BACH2: variants seen among roughly 807,000 people sequenced by gnomAD.
BACH2 encodes BACH transcriptional regulator 2.
BACH2 carries 5 observed loss-of-function variants against 61.8 expected under a neutral mutation model. That is an observed-to-expected ratio of 0.08 (90% confidence interval 0.04 to 0.17). BACH2 has a LOEUF of 0.17. Among genes scored for constraint, BACH2 ranks in the 10% least tolerant of loss-of-function variants. The pLI is 1.00. For missense variants in BACH2, 824 were observed against 1,091.1 expected (o/e 0.76, Z 3.45); for synonymous variants, 446 against 440.1 (o/e 1.01, Z -0.17).
chr6:90,142,488 C>G (rs957368118), intron 4 of BACH2, among the ~76,000 whole-genome samples: 6 of 152,098 alleles, frequency 3.9e-5, no homozygotes, highest in African/African-American at 7.2e-5. Context: ...AAAACTCAAG[C>G]TGATTGAGGT....
intron 5 of BACH2, among the ~76,000 whole-genome samples, chr6:90,073,983 G>A (rs2127802391): frequency 6.6e-6 from 1 of 152,320 alleles, no homozygotes; most frequent in African/African-American, 2.4e-5. Context: ...TTCAGGTGAA[G>A]GAGGGAAGAG....
At chr6:90,026,959 A>T (rs562552989) in intron 5 of BACH2, among the ~76,000 whole-genome samples, 2 of 152,316 alleles carry the variant, frequency 1.3e-5, no homozygotes, top group East Asian at 3.9e-4. Flanking sequence ...GGCAGGCAGC[A>T]TCTAATGGGG....
intron 5 of BACH2, among the ~76,000 whole-genome samples, chr6:90,049,088 T>C (rs1779919178): frequency 6.6e-6 from 1 of 152,116 alleles, no homozygotes; most frequent in Admixed American, 6.6e-5. Flanking sequence ...TGATGAGAAA[T>C]GATGAAAAAC....
intron 3 of BACH2, among the ~76,000 whole-genome samples, chr6:90,213,525 A>T (rs535960622): frequency 2.6e-5 from 4 of 152,308 alleles, no homozygotes; most frequent in Admixed American, 2.6e-4. Context: ...CAGGGAGAAG[A>T]GTAGGCAAAG....
chr6:90,177,730 C>A (rs1422961213), intron 4 of BACH2, among the ~76,000 whole-genome samples: 1 of 152,164 alleles, frequency 6.6e-6, no homozygotes, highest in Admixed American at 6.6e-5. Context: ...TTAACCTCAA[C>A]TCTGGGCTGT....
Position 90,050,754 on chromosome 6 carries a change from G to A in BACH2, c.-13+38207C>T, listed in dbSNP as rs190116725. Among the ~76,000 whole-genome samples the A allele has an allele frequency of 1.7e-3, 256 of 149,616 alleles. 2 individuals are homozygous for A. Among genetic ancestry groups the A allele is most frequent in the African/African-American group, 6.1e-3 (250 of 40,978 alleles). ...ATAGATAAAACCCAAATAAACGAAAGCTCTTTGGGGTTCTCGGTAATTTTT... is the reference window on the plus strand; with the variant it reads ...ATAGATAAAACCCAAATAAACGAAAACTCTTTGGGGTTCTCGGTAATTTTT... On this transcript the variant is annotated intron_variant, in intron 5 of 8. Coordinates refer to ENST00000257749, the MANE Select transcript of BACH2 (RefSeq NM_021813.4).
chr6:90,231,513 G>A (rs756756188), intron 3 of BACH2, among the ~76,000 whole-genome samples: 5 of 152,048 alleles, frequency 3.3e-5, no homozygotes, highest in African/African-American at 4.8e-5. Flanking sequence ...AGTGACCCTG[G>A]GCCAGAGCCT....
chr6:90,107,174 C>T (rs1175442837), intron 4 of BACH2, among the ~76,000 whole-genome samples: 2 of 152,094 alleles, frequency 1.3e-5, no homozygotes, highest in African/African-American at 4.8e-5. Context: ...GAGATCAAGA[C>T]CATCCTGGCC....
intron 4 of BACH2, among the ~76,000 whole-genome samples, chr6:90,095,397 G>A (rs953522891): frequency 3.3e-5 from 5 of 152,126 alleles, no homozygotes; most frequent in Non-Finnish European, 5.9e-5. Context: ...AAAGAAGTGG[G>A]GAGGGAGATG....
chr6:90,014,944 ATTT>A (rs386407909), intron 5 of BACH2, among the ~76,000 whole-genome samples: 3 of 133,648 alleles, frequency 2.2e-5, no homozygotes, highest in Admixed American at 7.5e-5. Flanking sequence ...ATGTTCAGCT[ATTT>A]TTTTTTTTTT....
chr6:90,138,053 A>C (rs112782212), intron 4 of BACH2, among the ~76,000 whole-genome samples: 37 of 143,664 alleles, frequency 2.6e-4, no homozygotes, highest in African/African-American at 9.7e-4. Context: ...CTAATCATAA[A>C]ACACACACAC....
At chr6:90,280,549 T>C (rs149669028) in intron 1 of BACH2, among the ~76,000 whole-genome samples, 289 of 152,332 alleles carry the variant, frequency 1.9e-3, no homozygotes, top group African/African-American at 6.8e-3. Flanking sequence ...CATTAAATCT[T>C]AAGAACCATG....
chr6:89,967,286 C>T (rs1435154468), intron 6 of BACH2, among the ~76,000 whole-genome samples: 1 of 152,152 alleles, frequency 6.6e-6, no homozygotes, highest in Non-Finnish European at 1.5e-5. Flanking sequence ...ATAAAGATAT[C>T]CAAACTTCCT....
intron 1 of BACH2, among the ~76,000 whole-genome samples, chr6:90,274,360 G>A (rs1771625517): frequency 6.6e-6 from 1 of 151,882 alleles, no homozygotes; most frequent in Non-Finnish European, 1.5e-5. Flanking sequence ...ACAAAAAAAG[G>A]AACACAAAGT....
chr6:89,927,094 G>C lies in BACH2; in HGVS notation c.*5314C>G, dbSNP rs1235716387. 6.5e-6 allele frequency: 1 copy of C among 152,778 alleles called. No homozygotes were observed. Among genetic ancestry groups the C allele is most frequent in the African/African-American group, 2.4e-5 (1 of 41,448 alleles). The allele number at this position is 152,778 out of a possible 1,614,324, so 9.5% of individuals were successfully genotyped here. ...TAAGGCATATATTAGAGGTGCACTT[G>C]CATCAGACTGGTTCTGGAACAAATT... On this transcript the variant is annotated 3_prime_UTR_variant, in exon 9 of 9. Coordinates refer to ENST00000257749, the MANE Select transcript of BACH2 (RefSeq NM_021813.4).
chr6:90,072,915 C>A (rs758824803), intron 5 of BACH2, among the ~76,000 whole-genome samples: 9 of 152,184 alleles, frequency 5.9e-5, no homozygotes, highest in Non-Finnish European at 8.8e-5. Flanking sequence ...ACTGAAAAAA[C>A]CCCTGAAATG....
chr6:90,167,017 T>C (rs971352915), intron 4 of BACH2, among the ~76,000 whole-genome samples: 1 of 152,194 alleles, frequency 6.6e-6, no homozygotes, highest in South Asian at 2.1e-4. Context: ...GTAACTAACC[T>C]GCACGTTGTG....
intron 4 of BACH2, among the ~76,000 whole-genome samples, chr6:90,169,972 A>AT (rs1372844555): frequency 6.6e-6 from 1 of 152,104 alleles, no homozygotes; most frequent in African/African-American, 2.4e-5. Context: ...AAACCTGAGG[A>AT]TTTTTTACAA....
intron 5 of BACH2, among the ~76,000 whole-genome samples, chr6:90,039,197 G>A (rs776641152): frequency 4.6e-5 from 7 of 152,112 alleles, no homozygotes; most frequent in Non-Finnish European, 8.8e-5. Flanking sequence ...GCAGCTATCC[G>A]GGTTGTAGTC....
Sources: allele counts gnomAD v4.1 joint callset (sites outside exome capture counted in the v4.1 genomes callset), GRCh38; gene constraint gnomAD v4.1.1; transcripts MANE v1.5; gene names NCBI Gene and HGNC (gene_info 2026-07-23, HGNC 2026-07-21).